Variants in CD55 observed in about 807,000 individuals in gnomAD.
CD55 encodes the protein CD55 molecule (Cromer blood group).
A neutral mutation model predicts 45.8 loss-of-function variants in CD55; 41 were observed. That is an observed-to-expected ratio of 0.90 (90% CI 0.70 to 1.16). CD55 has a LOEUF of 1.16. Among genes scored for constraint, CD55 ranks in the 50% most tolerant of loss-of-function variants. The pLI, the probability that CD55 is intolerant of heterozygous loss-of-function variation, is 0.00. For synonymous variants in CD55, 181 were observed against 181.1 expected, an observed-to-expected ratio of 1.00 and a Z score of 0.01; for missense variants, 416 against 469.8, an observed-to-expected ratio of 0.89 and a Z score of 1.06.
chr1:207,356,796 A>G (rs753799030), intron 9 of CD55, among the ~76,000 whole-genome samples: 3 of 152,204 alleles, frequency 2.0e-5, no homozygotes, highest in Non-Finnish European at 4.4e-5. Context: ...TCTAATCTGC[A>G]TTGAATATAC....
At chr1:207,359,516 C>T (rs1459857560) in intron 9 of CD55, 30 bp from the exon 10 acceptor site, 434 of 1,284,704 alleles carry the variant, frequency 3.4e-4, no homozygotes, top group South Asian at 1.2e-3. Context: ...TTGATTTTAA[C>T]TTTTTTTTTT....
intron 5 of CD55, among the ~76,000 whole-genome samples, chr1:207,330,346 G>A (rs76862025): frequency 6.6e-6 from 1 of 150,410 alleles, no homozygotes; most frequent in Non-Finnish European, 1.5e-5. Flanking sequence ...AAAAAAAAAG[G>A]ACAACAACAT....
rs1298448852 is a variant in CD55, at chr1:207,360,286, A to T, written c.*676A>T. ...TTAATGTCTTTAAAAGTATCCAGAG[A>T]TACTACAATATTAACATAAGAAAAG... On this transcript the variant is annotated 3_prime_UTR_variant, in exon 10 of 10. Transcript: ENST00000367064. The T allele has an allele frequency of 2.6e-5, 4 of 152,190 alleles. No individual in the cohort carries two copies. The highest frequency in any genetic ancestry group is 4.1e-4 in the South Asian group (2 of 4,832). The allele number at this position is 152,190 out of a possible 1,614,324, so 9.4% of individuals were successfully genotyped here. A position where few individuals can be genotyped will look rare whatever the true frequency, so the allele number is the denominator to read the frequency against.
intron 6 of CD55, among the ~76,000 whole-genome samples, chr1:207,335,250 A>G (rs1655116785): frequency 1.3e-5 from 2 of 152,220 alleles, no homozygotes; most frequent in African/African-American, 4.8e-5. Flanking sequence ...GTGAGACTAA[A>G]GATCTGAGCA....
intron 6 of CD55, among the ~76,000 whole-genome samples, 178 bp downstream of exon 6, chr1:207,331,474 T>TACAC (rs5780384): frequency 1.8e-4 from 28 of 151,548 alleles, no homozygotes; most frequent in South Asian, 1.7e-3. Context: ...ATGGCTTGTA[T>TACAC]ACACACACAC....
chr1:207,346,766 C>T (rs544055343), intron 9 of CD55, among the ~76,000 whole-genome samples: 1 of 152,262 alleles, frequency 6.6e-6, no homozygotes, highest in Admixed American at 6.5e-5. Context: ...TCAAAATAGT[C>T]TTGTGCTGTG....
At chr1:207,340,571 T>C (rs1283471037) in intron 9 of CD55, 1 of 697,388 alleles carries the variant, frequency 1.4e-6, no homozygotes, top group Non-Finnish European at 2.6e-6. Context: ...AGGATTTTCC[T>C]ATGTTGCCCA....
At chr1:207,329,840 G>A (rs904026317) in intron 5 of CD55, among the ~76,000 whole-genome samples, 1 of 152,000 alleles carries the variant, frequency 6.6e-6, no homozygotes, top group South Asian at 2.1e-4. Flanking sequence ...TCGAACTCCT[G>A]GGCTCAAGCA....
intron 5 of CD55, among the ~76,000 whole-genome samples, chr1:207,329,711 A>G (rs1654854302): frequency 6.6e-6 from 1 of 152,016 alleles, no homozygotes; most frequent in Non-Finnish European, 1.5e-5. Flanking sequence ...TCCTTGGCCC[A>G]AGTGATCCTC....
At chr1:207,339,932 C>T (rs1655347502) in intron 9 of CD55, among the ~76,000 whole-genome samples, 2 of 152,128 alleles carry the variant, frequency 1.3e-5, no homozygotes, top group African/African-American at 2.4e-5. Context: ...TTGGGGTATT[C>T]ATCACCTTGA....
chr1:207,356,946 T>G (rs894049105), intron 9 of CD55, among the ~76,000 whole-genome samples: 3 of 152,206 alleles, frequency 2.0e-5, no homozygotes, highest in Non-Finnish European at 4.4e-5. Context: ...GAGTTATTTC[T>G]AAGCTGCCCT....
Position 207,322,442 on chromosome 1 carries a change from GT to G in CD55, c.165del (p.Glu57ArgfsTer4). The G allele has an allele frequency of 6.2e-7, 1 of 1,614,234 alleles. No homozygotes were observed. The highest frequency in any genetic ancestry group is 8.5e-7 in the Non-Finnish European group (1 of 1,180,034). Reference sequence around the variant, plus strand: ...CAGCCAGCTTTGGAAGGCCGTACAAGTTTTCCCGAGGATACTGTAATAACGT... The same window carrying G: ...CAGCCAGCTTTGGAAGGCCGTACAAGTTTCCCGAGGATACTGTAATAACGT... ...NAQPALEGRT[S>X]FPEDTVITYK... On this transcript the variant is annotated frameshift_variant, in exon 2 of 10. Coordinates refer to ENST00000367064, the MANE Select transcript of CD55 (RefSeq NM_000574.5). LOFTEE classifies it high-confidence loss of function.
intron 9 of CD55, among the ~76,000 whole-genome samples, chr1:207,344,536 C>T (rs1010576247): frequency 5.3e-5 from 8 of 152,008 alleles, no homozygotes; most frequent in African/African-American, 7.2e-5. Flanking sequence ...TTTCTTTCAG[C>T]GCTTTGAGTA....
At chr1:207,346,869 G>C (rs901748301) in intron 9 of CD55, among the ~76,000 whole-genome samples, 1 of 152,134 alleles carries the variant, frequency 6.6e-6, no homozygotes, top group African/African-American at 2.4e-5. Context: ...TCCTATGTTA[G>C]ATCTAGAGCC....
chr1:207,330,645 A>G (rs925627606), intron 5 of CD55, among the ~76,000 whole-genome samples: 1 of 152,184 alleles, frequency 6.6e-6, no homozygotes. Context: ...TGCATTTGCT[A>G]GCGTTTCCCT....
intron 3 of CD55, 79 bp downstream of exon 3, chr1:207,324,829 A>G: frequency 1.3e-6 from 1 of 795,218 alleles, no homozygotes; most frequent in South Asian, 1.9e-5. Context: ...TCATGCTAGA[A>G]CTCTATGTGT....
chr1:207,342,455 A>G (rs1014335979), intron 9 of CD55, among the ~76,000 whole-genome samples: 5 of 152,126 alleles, frequency 3.3e-5, no homozygotes, highest in Admixed American at 1.3e-4. Flanking sequence ...TATGACCTTT[A>G]TGATGTTAAT....
chr1:207,358,329 G>C (rs1656155591), intron 9 of CD55, among the ~76,000 whole-genome samples: 1 of 152,032 alleles, frequency 6.6e-6, no homozygotes, highest in African/African-American at 2.4e-5. Flanking sequence ...GTGATAATGT[G>C]GTTTCATTTA....
At chr1:207,336,928 A>T in intron 7 of CD55, 110 bp downstream of exon 7, 1 of 1,293,008 alleles carries the variant, frequency 7.7e-7, no homozygotes, top group South Asian at 1.2e-5. Context: ...CAGCTACAAT[A>T]GTCACACCAA....
Sources: gnomAD v4.1 joint callset for allele counts (sites outside exome capture counted in the v4.1 genomes callset) on GRCh38, gnomAD v4.1.1 for gene constraint, MANE v1.5 for transcripts, NCBI Gene and HGNC (gene_info 2026-07-23, HGNC 2026-07-21) for gene names.